AGBL4: variants seen among roughly 807,000 people sequenced by gnomAD.
AGBL4 encodes cytosolic carboxypeptidase 6.
AGBL4 carries 58 observed loss-of-function variants against 66.4 expected under a neutral mutation model. That is an observed-to-expected ratio of 0.87 (90% CI 0.71 to 1.09). The LOEUF (loss-of-function observed/expected upper bound fraction) is 1.09. Ranked by LOEUF, AGBL4 falls within the 50% of genes least tolerant of loss-of-function variation. The probability of loss-of-function intolerance (pLI) is 0.00; values close to 1 mark genes in which losing one functional copy is unlikely to be tolerated. For synonymous variants in AGBL4, 234 were observed against 222.9 expected (o/e 1.05, Z -0.44); for missense variants, 579 against 631.0 (o/e 0.92, Z 0.88).
intron 3 of AGBL4, among the ~76,000 whole-genome samples, chr1:49,679,357 T>A (rs1450575585): frequency 2.6e-5 from 4 of 152,014 alleles, no homozygotes; most frequent in Non-Finnish European, 5.9e-5. Flanking sequence ...TCTGGTTTAT[T>A]ATAACCAAGG....
At chr1:49,205,527 T>C (rs1648064375) in intron 4 of AGBL4, among the ~76,000 whole-genome samples, 1 of 152,018 alleles carries the variant, frequency 6.6e-6, no homozygotes, top group Non-Finnish European at 1.5e-5. Flanking sequence ...TTGGTCTCAC[T>C]AGAAAAGTGG....
chr1:49,679,749 T>C (rs1012584880), intron 3 of AGBL4, among the ~76,000 whole-genome samples: 3 of 152,176 alleles, frequency 2.0e-5, no homozygotes, highest in African/African-American at 4.8e-5. Flanking sequence ...CATCAGCACA[T>C]AGTGGTTGCT....
chr1:48,900,185 G>A (rs1162855169), intron 5 of AGBL4, among the ~76,000 whole-genome samples: 1 of 152,062 alleles, frequency 6.6e-6, no homozygotes, highest in Non-Finnish European at 1.5e-5. Context: ...TAGAGATGGG[G>A]ACCAAGAAAG....
In AGBL4 at chr1:49,800,530, A is replaced by C. The variant is rs1260106643; in HGVS notation, c.157+50866T>G. ...TCCCTCCCCCCTCCCCCCACCCCAC[A>C]ACAGTCCCCAGAGTGTGATATTCCC... is the stretch of plus-strand genomic sequence containing the variant. On this transcript the variant is annotated intron_variant, in intron 2 of 13. Transcript: ENST00000371839. Among the ~76,000 whole-genome samples the C allele has an allele frequency of 1.1e-4, 10 of 93,990 alleles. No individual in the cohort carries two copies. In the South Asian group the frequency reaches 2.3e-3, roughly 22 times the overall value. The allele number at this position is 93,990 out of a possible 152,430, so 61.7% of individuals were successfully genotyped here.
At chr1:48,879,582 T>C (rs964176018) in intron 5 of AGBL4, among the ~76,000 whole-genome samples, 4 of 152,182 alleles carry the variant, frequency 2.6e-5, no homozygotes. Flanking sequence ...GACATATATA[T>C]ACATTTGTAA....
intron 3 of AGBL4, among the ~76,000 whole-genome samples, chr1:49,434,708 CTGG>C (rs886754094): frequency 4.4e-4 from 63 of 143,770 alleles, no homozygotes; most frequent in Admixed American, 1.9e-3. Flanking sequence ...GGTGGTGGTG[CTGG>C]TGGTGGTGGT....
chr1:48,746,796 G>T (rs763805185), intron 6 of AGBL4, among the ~76,000 whole-genome samples: 1 of 152,188 alleles, frequency 6.6e-6, no homozygotes. Flanking sequence ...GGCTGCTGAC[G>T]TCTCTGGAAG....
rs774502535 is a variant in AGBL4 at position 48,534,246 on chromosome 1, G to A, written c.1439C>T (p.Ala480Val). The change falls in exon 14 of 14, where the codon GCC becomes GTC. Residue 480 changes from alanine to valine, a missense_variant. Physicochemically the swap from Ala to Val is moderately conservative, Grantham distance 64. Coordinates refer to ENST00000371839, the MANE Select transcript of AGBL4 (RefSeq NM_032785.4). ...CCCTTTGCTGTTGGGGTAGTTGCTG[G>A]CTGGGCCCCGCAGGAGTGGGTGCTT... Reference protein sequence around the residue: ...PYKHPLLRGPASNYPNSKGDK... With the variant: ...PYKHPLLRGPVSNYPNSKGDK... 1.9e-6 allele frequency: 3 copies of A among 1,551,520 alleles called. No individual in the cohort carries two copies. Among genetic ancestry groups the A allele is most frequent in the Non-Finnish European group, 2.6e-6 (3 of 1,146,946 alleles).
intron 6 of AGBL4, among the ~76,000 whole-genome samples, chr1:48,746,315 G>C (rs1333686658): frequency 6.6e-6 from 1 of 152,124 alleles, no homozygotes; most frequent in African/African-American, 2.4e-5. Context: ...CTCTACTAAA[G>C]CATAGGTTCT....
chr1:49,023,353 G>T (rs1358544581), intron 5 of AGBL4, among the ~76,000 whole-genome samples: 1 of 152,126 alleles, frequency 6.6e-6, no homozygotes, highest in Admixed American at 6.6e-5. Flanking sequence ...CTAGAATCAG[G>T]GGGTACTGGA....
chr1:49,823,473 T>C (rs1645421019), intron 2 of AGBL4, among the ~76,000 whole-genome samples: 1 of 152,128 alleles, frequency 6.6e-6, no homozygotes, highest in South Asian at 2.1e-4. Context: ...TTAGATCAGA[T>C]AATAATAGAC....
chr1:48,787,294 T>C (rs1425315976), intron 6 of AGBL4, among the ~76,000 whole-genome samples: 2 of 152,124 alleles, frequency 1.3e-5, no homozygotes. Context: ...ATACAAGTTC[T>C]CCAGGGATGT....
At chr1:49,291,916 T>C (rs1486852626) in intron 3 of AGBL4, among the ~76,000 whole-genome samples, 1 of 152,108 alleles carries the variant, frequency 6.6e-6, no homozygotes, top group African/African-American at 2.4e-5. Flanking sequence ...TGGAACTGGG[T>C]CTCACACTCT....
At chr1:49,544,392 T>C (rs924582948) in intron 3 of AGBL4, among the ~76,000 whole-genome samples, 2 of 152,206 alleles carry the variant, frequency 1.3e-5, no homozygotes, top group African/African-American at 4.8e-5. Context: ...TTACTACCAT[T>C]AGCATGGTAA....
chr1:48,862,883 C>T (rs1327102137), intron 6 of AGBL4, among the ~76,000 whole-genome samples: 1 of 152,188 alleles, frequency 6.6e-6, no homozygotes. Context: ...GCCAAGTTAT[C>T]ATTCCAGACA....
chr1:49,736,773 C>A (rs1370767990), intron 2 of AGBL4, among the ~76,000 whole-genome samples: 1 of 151,410 alleles, frequency 6.6e-6, no homozygotes, highest in African/African-American at 2.4e-5. Context: ...ATGCATCTGA[C>A]AATGGTGTAA....
At chr1:49,842,170 T>A (rs913884593) in intron 2 of AGBL4, 13 of 412,690 alleles carry the variant, frequency 3.2e-5, no homozygotes, top group Non-Finnish European at 5.6e-5. Context: ...TGGAGGAGCA[T>A]GTGACCTTTG....
chr1:49,836,915 A>G (rs1645865897), intron 2 of AGBL4, among the ~76,000 whole-genome samples: 1 of 152,160 alleles, frequency 6.6e-6, no homozygotes, highest in Non-Finnish European at 1.5e-5. Flanking sequence ...GAGGCTGCAG[A>G]ACAGCTAAGA....
At position 49,283,056 on chromosome 1, in the gene AGBL4, C is replaced by A. The variant is rs1644314996; in HGVS notation, c.283-37192G>T. Among the ~76,000 whole-genome samples the A allele has an allele frequency of 1.2e-4, 18 of 152,348 alleles. No individual in the cohort carries two copies. In the South Asian group the frequency reaches 3.5e-3, roughly 30 times the overall value. ...GGCCTGCCTGCCTCTGTAGGCTCCA[C>A]CTCTGGGGGCAGGGCACAGACAAAC... is the stretch of plus-strand genomic sequence containing the variant. On this transcript the variant is annotated intron_variant, in intron 3 of 13. Coordinates refer to ENST00000371839, the MANE Select transcript of AGBL4 (RefSeq NM_032785.4).
Sources: gnomAD v4.1 joint callset for allele counts (sites outside exome capture counted in the v4.1 genomes callset) on GRCh38, gnomAD v4.1.1 for gene constraint, MANE v1.5 for transcripts, NCBI Gene and HGNC (gene_info 2026-07-23, HGNC 2026-07-21) for gene names.